The following ITPK1 variants were observed in gnomAD, a reference collection of about 807,000 sequenced individuals.
ITPK1 encodes the protein inositol-tetrakisphosphate 1-kinase, also known as inositol 1,3,4-trisphosphate 5/6-kinase.
A neutral mutation model predicts 45.3 loss-of-function variants in ITPK1; 21 were observed. The ratio of observed to expected loss-of-function variants is 0.46; its 90% CI spans 0.33 to 0.67. The LOEUF (loss-of-function observed/expected upper bound fraction) is 0.67. Among genes scored for constraint, ITPK1 ranks in the 30% least tolerant of loss-of-function variants. The pLI is 0.02. For missense variants in ITPK1, 474 were observed against 573.5 expected, an observed-to-expected ratio of 0.83 and a Z score of 1.77; for synonymous variants, 258 against 253.6, an observed-to-expected ratio of 1.02 and a Z score of -0.16.
chr14:93,115,276 G>A lies in ITPK1; in HGVS notation c.-113C>T. ...ACCTCCTCCCGGCGGCGGGGACGCG[G>A]AACGGGGATCGGAGCTGGGGCGCGC... On this transcript the variant is annotated 5_prime_UTR_variant, in exon 2 of 11. Transcript: ENST00000267615. 1.5e-6 allele frequency: 1 copy of A among 666,844 alleles called. No individual in the cohort carries two copies. The highest frequency in any genetic ancestry group is 2.5e-6 in the Non-Finnish European group (1 of 392,968). 41.3% of individuals were successfully genotyped at this position (666,844 alleles called of 1,614,324 possible). A position where few individuals can be genotyped will look rare whatever the true frequency, so the allele number is the denominator to read the frequency against.
chr14:92,996,475 T>A (rs1887064514), intron 4 of ITPK1, among the ~76,000 whole-genome samples: 1 of 151,456 alleles, frequency 6.6e-6, no homozygotes, highest in East Asian at 1.9e-4. Flanking sequence ...GAGATATACC[T>A]AATGTAAATG....
intron 3 of ITPK1, among the ~76,000 whole-genome samples, chr14:93,074,894 C>T (rs1439445330): frequency 1.3e-5 from 2 of 152,128 alleles, no homozygotes; most frequent in African/African-American, 4.8e-5. Context: ...AACCCCTGTT[C>T]CCACCCACTC....
rs149432746 is a variant in ITPK1 at position 92,967,630 on chromosome 14, A to G, written c.365-4781T>C. 2.6e-5 allele frequency among the ~76,000 whole-genome samples: 4 copies of G among 152,382 alleles called. No homozygotes were observed. In the East Asian group the frequency reaches 7.7e-4, roughly 29 times the overall value. On this transcript the variant is annotated intron_variant, in intron 5 of 10. Coordinates refer to ENST00000267615, the MANE Select transcript of ITPK1 (RefSeq NM_014216.6). ...ATGGTTCACAGCAGCATTACTCATC[A>G]TAGTCCAAATGGGGCAACAATCCAG...
rs1443146467 is a variant in ITPK1 at position 93,063,420 on chromosome 14, G to T, written c.120+13175C>A. Among the ~76,000 whole-genome samples, 1 of 152,158 alleles carries T rather than the reference G, an allele frequency of 6.6e-6. No homozygotes were observed. Among genetic ancestry groups the T allele is most frequent in the Non-Finnish European group, 1.5e-5 (1 of 68,032 alleles). On this transcript the variant is annotated intron_variant, in intron 3 of 10. Transcript: ENST00000267615. The surrounding 1 kb of genome is among the most constrained non-coding windows in gnomAD (Gnocchi z 4.3). ...AGTCATCTCAGGAGCCAGAAAACCAGTGAGCTTCCCACTCCCCACAGCCCC... is the reference window on the plus strand; with the variant it reads ...AGTCATCTCAGGAGCCAGAAAACCATTGAGCTTCCCACTCCCCACAGCCCC...
chr14:93,044,523 G>C (rs989193049), intron 3 of ITPK1, among the ~76,000 whole-genome samples: 1 of 152,244 alleles, frequency 6.6e-6, no homozygotes, highest in Non-Finnish European at 1.5e-5. Flanking sequence ...CCTGGCAGCA[G>C]ATGGAAACTC....
chr14:93,092,723 C>T (rs774135386), intron 2 of ITPK1, among the ~76,000 whole-genome samples: 17 of 152,216 alleles, frequency 1.1e-4, no homozygotes, highest in Non-Finnish European at 2.2e-4. Context: ...AAAGCTGGGC[C>T]TAATGTGGTC....
At chr14:92,980,019 G>C (rs1057230046) in intron 5 of ITPK1, among the ~76,000 whole-genome samples, 3 of 151,954 alleles carry the variant, frequency 2.0e-5, no homozygotes, top group Non-Finnish European at 4.4e-5. Flanking sequence ...GACGTCAAAC[G>C]ATCCACCCGC....
intron 3 of ITPK1, among the ~76,000 whole-genome samples, chr14:93,053,986 G>A (rs1314471372): frequency 6.6e-6 from 1 of 152,172 alleles, no homozygotes; most frequent in Non-Finnish European, 1.5e-5. Context: ...GAAGTAGGGA[G>A]AGATGGGGTC....
intron 3 of ITPK1, among the ~76,000 whole-genome samples, chr14:93,050,099 G>A (rs59208530): frequency 0.029 from 4,354 of 152,254 alleles, 209 homozygotes; most frequent in African/African-American, 0.099. Context: ...GGGGGCAGCA[G>A]GCCGTAGGAA....
intron 8 of ITPK1, among the ~76,000 whole-genome samples, chr14:92,954,193 C>A (rs1888090718): frequency 6.6e-6 from 1 of 152,230 alleles, no homozygotes; most frequent in South Asian, 2.1e-4. Flanking sequence ...CCGCACCTGG[C>A]CCTTCTGGCT....
intron 4 of ITPK1, among the ~76,000 whole-genome samples, chr14:93,002,905 C>A (rs1887422848): frequency 1.3e-5 from 2 of 152,186 alleles, no homozygotes; most frequent in South Asian, 4.1e-4. Context: ...CTCAAAGCCA[C>A]AGCTGGACCA....
chr14:93,088,343 T>TTTTTG (rs1891733543), intron 2 of ITPK1, among the ~76,000 whole-genome samples: 2 of 144,488 alleles, frequency 1.4e-5, no homozygotes, highest in African/African-American at 5.2e-5. Context: ...TTTGTTTTGT[T>TTTTTG]TTTTTTTTTT....
chr14:92,967,393 A>G (rs1885432383), intron 5 of ITPK1, among the ~76,000 whole-genome samples: 1 of 152,196 alleles, frequency 6.6e-6, no homozygotes, highest in African/African-American at 2.4e-5. Context: ...GGATGACTAT[A>G]ATAAAAGAGA....
At chr14:93,079,819 T>C (rs1266545925) in intron 2 of ITPK1, among the ~76,000 whole-genome samples, 1 of 152,150 alleles carries the variant, frequency 6.6e-6, no homozygotes, top group Admixed American at 6.5e-5. Flanking sequence ...GGAAGGGACA[T>C]GGGAGACAGG....
At chr14:93,026,691 A>T (rs1192480903) in intron 3 of ITPK1, among the ~76,000 whole-genome samples, 1 of 152,218 alleles carries the variant, frequency 6.6e-6, no homozygotes, top group Non-Finnish European at 1.5e-5. Flanking sequence ...ATCGCCAAAA[A>T]TTAGTAACTA....
intron 8 of ITPK1, among the ~76,000 whole-genome samples, chr14:92,955,377 A>G (rs1412924555): frequency 6.6e-6 from 1 of 152,228 alleles, no homozygotes; most frequent in Non-Finnish European, 1.5e-5. Flanking sequence ...CAAGCTGGAG[A>G]GAATAATGGA....
At chr14:93,104,687 T>C (rs1277660645) in intron 2 of ITPK1, among the ~76,000 whole-genome samples, 1 of 151,744 alleles carries the variant, frequency 6.6e-6, no homozygotes, top group Non-Finnish European at 1.5e-5. Context: ...TCCTGGAGGG[T>C]AGTTATCCCA....
In ITPK1 at chr14:92,971,018, C is replaced by A. The variant is rs67182772; in HGVS notation, c.365-8169G>T. On this transcript the variant is annotated intron_variant, in intron 5 of 10. Transcript: ENST00000267615. ...CCAGGGCAGCTATCTCAGCCCCACA[C>A]GCCCTTTCTTTCCCCTCCCAGCACC... is the stretch of plus-strand genomic sequence containing the variant. Among the ~76,000 whole-genome samples, 1,368 of 152,134 alleles carry A rather than the reference C, an allele frequency of 9.0e-3. 17 individuals are homozygous for A. Among genetic ancestry groups the A allele is most frequent in the African/African-American group, 0.031 (1,284 of 41,488 alleles).
chr14:93,016,307 A>G lies in ITPK1; in HGVS notation c.246+369T>C, dbSNP rs560866217. ...AAGGCCCTCGGGGGTCCCCTTTACC[A>G]AGTGCAGCAGAAGGGTTCCATCCCT... is the stretch of plus-strand genomic sequence containing the variant. On this transcript the variant is annotated intron_variant, in intron 4 of 10. Coordinates refer to ENST00000267615, the MANE Select transcript of ITPK1 (RefSeq NM_014216.6). The surrounding 1 kb of genome is among the most constrained non-coding windows in gnomAD (Gnocchi z 5.0). Among the ~76,000 whole-genome samples, 13 of 152,100 alleles carry G rather than the reference A, an allele frequency of 8.5e-5. No homozygotes were observed. The highest frequency in any genetic ancestry group is 1.9e-4 in the Non-Finnish European group (13 of 68,004).
Sources: allele counts gnomAD v4.1 joint callset (sites outside exome capture counted in the v4.1 genomes callset), GRCh38; gene constraint gnomAD v4.1.1; non-coding constraint Gnocchi (gnomAD v3.1); transcripts MANE v1.5; gene names NCBI Gene and HGNC (gene_info 2026-07-23, HGNC 2026-07-21).